The following PRKDC variants were observed in gnomAD, a reference collection of about 807,000 sequenced individuals.
The protein encoded by PRKDC is protein kinase, DNA-activated, catalytic subunit, also known as DNA-dependent protein kinase catalytic subunit.
In PRKDC, 82 loss-of-function variants were observed where a neutral mutation model predicts 486.9. The observed-to-expected ratio is 0.17, with a 90% confidence interval of 0.14 to 0.20. PRKDC has a LOEUF of 0.20. Ranked by LOEUF, PRKDC falls within the 10% of genes least tolerant of loss-of-function variation. The pLI is 1.00. For missense variants in PRKDC, 4,504 were observed against 5,038.2 expected, an observed-to-expected ratio of 0.89 and a Z score of 3.21; for synonymous variants, 1,895 against 1,837.0, an observed-to-expected ratio of 1.03 and a Z score of -0.81.
At chr8:47,915,923 C>T (rs190524754) in intron 22 of PRKDC, among the ~76,000 whole-genome samples, 1 of 152,180 alleles carries the variant, frequency 6.6e-6, no homozygotes, top group African/African-American at 2.4e-5. Context: ...AGGTTAGTTA[C>T]AATGTCGAAT....
In PRKDC at chr8:47,782,052, G is replaced by C; in HGVS notation, c.11489+110C>G. On this transcript the variant is annotated intron_variant, in intron 80 of 85. Transcript: ENST00000314191. This position sits in a 1 kb window ranked among gnomAD's most constrained non-coding sequence, Gnocchi z 4.9. ...GGTTTATTGACCCAGCCAGCAGACT[G>C]CGGGGCAGGCAGTGTGGGCTCTCGA... The C allele has an allele frequency of 1.1e-6, 1 of 884,388 alleles. No homozygotes were observed. The highest frequency in any genetic ancestry group is 1.8e-6 in the Non-Finnish European group (1 of 556,144). 54.8% of individuals were successfully genotyped at this position (884,388 alleles called of 1,614,324 possible). A position where few individuals can be genotyped will look rare whatever the true frequency, so the allele number is the denominator to read the frequency against.
rs974189039 is a variant in PRKDC, at chr8:47,785,376, C to T, written c.10903-59G>A. On this transcript the variant is annotated intron_variant, in intron 76 of 85. Transcript: ENST00000314191. Reference sequence around the variant, plus strand: ...TGTTTAGTTTGGACTTTGGAAAAGGCTCTAAGCTTATAAGTGTAATGAATG... The same window carrying T: ...TGTTTAGTTTGGACTTTGGAAAAGGTTCTAAGCTTATAAGTGTAATGAATG... 14 of 1,300,950 alleles carry T rather than the reference C, an allele frequency of 1.1e-5. No individual in the cohort carries two copies. The African/African-American group carries it at 2.1e-4, about 19-fold the overall frequency. 80.6% of individuals were successfully genotyped at this position (1,300,950 alleles called of 1,614,324 possible).
chr8:47,821,604 C>T lies in PRKDC; in HGVS notation c.9111G>A (p.Gln3037=). The T allele has an allele frequency of 3.8e-6, 6 of 1,589,038 alleles. No homozygotes were observed. The highest frequency in any genetic ancestry group is 5.1e-6 in the Non-Finnish European group (6 of 1,165,272). ...AATCACTTAAAATAATTTTACCCAC[C>T]TGATAAAATGGTTCACTCCAGATTT... The part of the protein sequence containing the change: ...LNKIWSEPFY[Q]ETYLPYMIRS... Residue 3037 remains glutamine (Q), a splice_region_variant and synonymous_variant, in exon 65 of 86, where the codon CAG becomes CAA. Transcript: ENST00000314191.
chr8:47,927,873 C>A lies in PRKDC; in HGVS notation c.2157G>T (p.Lys719Asn). Residue 719 changes from lysine (K) to asparagine (N), a missense_variant, in exon 20 of 86, where the codon AAG becomes AAT. Lys to Asn is a moderately conservative substitution (Grantham distance 94). Around this residue, in one of 6 missense-constraint regions of PRKDC, gnomAD observed 1,969 missense variants for 2,068.9 expected, o/e 0.95. Coordinates refer to ENST00000314191, the MANE Select transcript of PRKDC (RefSeq NM_006904.7). ...AGGCCAAAAGTTCATCTTTGTACTG[C>A]TTCATTTTAACTGCCACCTTAACAA... ...KFGKEVAVKMKQYKDELLASC... is the reference protein window; with the variant it reads ...KFGKEVAVKMNQYKDELLASC... 6.3e-7 allele frequency: 1 copy of A among 1,578,128 alleles called. No individual in the cohort carries two copies. The highest frequency in any genetic ancestry group is 1.4e-5 in the African/African-American group (1 of 73,288).
At chr8:47,836,077 C>T (rs927332957) in intron 58 of PRKDC, among the ~76,000 whole-genome samples, 2 of 152,132 alleles carry the variant, frequency 1.3e-5, no homozygotes, top group Admixed American at 1.3e-4. Context: ...TTTCCTCTTG[C>T]AAAACTGAAA....
chr8:47,954,413 C>A lies in PRKDC; in HGVS notation c.433G>T (p.Asp145Tyr). The change falls in exon 5 of 86, where the codon GAT (aspartate) becomes TAT (tyrosine). Residue 145 changes from aspartate to tyrosine, a missense_variant. Physicochemically the swap from Asp to Tyr is radical, Grantham distance 160 (BLOSUM62 -3). Around this residue, in one of 6 missense-constraint regions of PRKDC, gnomAD observed 1,969 missense variants for 2,068.9 expected, o/e 0.95. Transcript: ENST00000314191. ...LQTFRSSRLM[D>Y]EFKIGELFSK... is the part of the protein sequence containing the mutation. ...AATAATTCTCCAATTTTAAATTCATCCATGAGTCTAGAACTTCTAAAAGTC... is the reference window on the plus strand; with the variant it reads ...AATAATTCTCCAATTTTAAATTCATACATGAGTCTAGAACTTCTAAAAGTC... The A allele has an allele frequency of 7.3e-7, 1 of 1,373,476 alleles. No individual in the cohort carries two copies. Among genetic ancestry groups the A allele is most frequent in the Middle Eastern group, 1.8e-4 (1 of 5,444 alleles). 85.1% of individuals were successfully genotyped at this position (1,373,476 alleles called of 1,614,324 possible).
chr8:47,777,122 G>A, intron 84 of PRKDC, 139 bp from the exon 85 acceptor site: 1 of 1,063,650 alleles, frequency 9.4e-7, no homozygotes, highest in Non-Finnish European at 1.3e-6. Flanking sequence ...CAGCTACAAA[G>A]CTGTTCATAC....
chr8:47,950,435 C>T (rs938603735), intron 7 of PRKDC, among the ~76,000 whole-genome samples: 6 of 151,698 alleles, frequency 4.0e-5, no homozygotes, highest in African/African-American at 1.5e-4. Flanking sequence ...ACCATCCTGG[C>T]TAACACGGTG....
chr8:47,792,171 C>T (rs754924672), intron 74 of PRKDC, among the ~76,000 whole-genome samples: 9 of 150,054 alleles, frequency 6.0e-5, no homozygotes, highest in South Asian at 2.1e-4. Flanking sequence ...AGGTGGAAAG[C>T]GGGGATGGTT....
At chr8:47,895,121 G>A (rs2089549434) in intron 30 of PRKDC, among the ~76,000 whole-genome samples, 1 of 152,140 alleles carries the variant, frequency 6.6e-6, no homozygotes, top group Non-Finnish European at 1.5e-5. Context: ...CAGCTACTAA[G>A]GAGGTTGAGG....
chr8:47,838,901 C>CCCTA (rs1159605252), intron 56 of PRKDC, among the ~76,000 whole-genome samples: 8 of 152,306 alleles, frequency 5.3e-5, no homozygotes, highest in South Asian at 2.1e-4. Flanking sequence ...TAACTCACTG[C>CCCTA]CCTACCATAC....
chr8:47,865,639 G>T (rs1253042765), intron 40 of PRKDC, among the ~76,000 whole-genome samples: 1 of 152,098 alleles, frequency 6.6e-6, no homozygotes, highest in Non-Finnish European at 1.5e-5. Context: ...CTGATGCTAT[G>T]AAGTTAGATA....
At position 47,794,466 on chromosome 8, in the gene PRKDC, C is replaced by G. The variant is rs1261974498; in HGVS notation, c.10494G>C (p.Trp3498Cys). 6 of 1,613,274 alleles carry G rather than the reference C, an allele frequency of 3.7e-6. No homozygotes were observed. Among genetic ancestry groups the G allele is most frequent in the Non-Finnish European group, 5.1e-6 (6 of 1,179,402 alleles). The part of the protein sequence containing the change: ...SSVPCWQFIS[W>C]ISHMVALLDK... ...CCAGTAAGGCCACCATGTGGCTGAT[C>G]CAGCTGATGAACTGCCAGCAGGGAA... The change falls in exon 74 of 86, where the codon TGG becomes TGC. Residue 3498 changes from tryptophan to cysteine, a missense_variant. By Grantham distance (215) the Trp-to-Cys change is radical (BLOSUM62 -2). Coordinates refer to ENST00000314191, the MANE Select transcript of PRKDC (RefSeq NM_006904.7).
chr8:47,950,490 G>A (rs567158345), intron 7 of PRKDC, among the ~76,000 whole-genome samples: 7 of 148,122 alleles, frequency 4.7e-5, no homozygotes, highest in East Asian at 2.1e-4. Flanking sequence ...TTAGCTGGGC[G>A]TGGTGGCGGG....
intron 68 of PRKDC, 134 bp downstream of exon 68, chr8:47,817,316 G>T: frequency 1.5e-6 from 1 of 646,698 alleles, no homozygotes; most frequent in South Asian, 2.2e-5. Context: ...CTACTTACAT[G>T]GGAAACAGGA....
chr8:47,809,982 G>A (rs1048835165), intron 68 of PRKDC, among the ~76,000 whole-genome samples: 7 of 152,152 alleles, frequency 4.6e-5, no homozygotes, highest in African/African-American at 1.7e-4. Flanking sequence ...AGGGGCTACA[G>A]GGAGAATCCT....
chr8:47,837,931 T>C (rs780547376), intron 56 of PRKDC, among the ~76,000 whole-genome samples: 1 of 151,128 alleles, frequency 6.6e-6, no homozygotes, highest in Non-Finnish European at 1.5e-5. Context: ...ACTTCAGGAG[T>C]TCAAGACCAG....
At chr8:47,889,709 A>T (rs1027416526) in intron 32 of PRKDC, among the ~76,000 whole-genome samples, 3 of 152,248 alleles carry the variant, frequency 2.0e-5, no homozygotes. Context: ...AAAATACAGC[A>T]TCCAATAAAA....
chr8:47,903,346 T>C (rs1024572364), intron 26 of PRKDC, among the ~76,000 whole-genome samples: 1 of 152,262 alleles, frequency 6.6e-6, no homozygotes, highest in African/African-American at 2.4e-5. Flanking sequence ...TTCTACTTTA[T>C]GCTTTGTTGC....
Sources: allele counts gnomAD v4.1 joint callset (sites outside exome capture counted in the v4.1 genomes callset), GRCh38; gene constraint gnomAD v4.1.1; regional missense constraint gnomAD v4.1.1; non-coding constraint Gnocchi (gnomAD v3.1); transcripts MANE v1.5; gene names NCBI Gene and HGNC (gene_info 2026-07-23, HGNC 2026-07-21).